SEMA5A: variants seen among roughly 807,000 people sequenced by gnomAD.
The protein encoded by SEMA5A is semaphorin 5A.
Under a neutral mutation model 135.5 loss-of-function variants are expected in SEMA5A, and 55 were observed. That is an observed-to-expected ratio of 0.41 (90% CI 0.33 to 0.51). The LOEUF (loss-of-function observed/expected upper bound fraction) is 0.51, where lower values mean the gene tolerates loss of function less well. SEMA5A is among the 20% of genes least tolerant of loss of function. The pLI, the probability that SEMA5A is intolerant of heterozygous loss-of-function variation, is 0.37. For missense variants in SEMA5A, 1,290 were observed against 1,419.9 expected (o/e 0.91, Z 1.47); for synonymous variants, 580 against 546.5 (o/e 1.06, Z -0.85).
chr5:9,175,219 C>G (rs183506525), intron 11 of SEMA5A, among the ~76,000 whole-genome samples: 22 of 152,048 alleles, frequency 1.4e-4, no homozygotes, highest in Non-Finnish European at 3.1e-4. Flanking sequence ...TACTCCCAAG[C>G]AGTGGATACT....
chr5:9,285,527 T>C (rs541891651), intron 5 of SEMA5A, among the ~76,000 whole-genome samples: 8 of 152,330 alleles, frequency 5.3e-5, no homozygotes, highest in African/African-American at 1.9e-4. Context: ...ACACAAACTA[T>C]ACTTGCCCCA....
At chr5:9,474,167 C>T (rs895569891) in intron 1 of SEMA5A, among the ~76,000 whole-genome samples, 2 of 152,110 alleles carry the variant, frequency 1.3e-5, no homozygotes, top group African/African-American at 4.8e-5. Flanking sequence ...GTGAAGAATT[C>T]CGTCCGTCAG....
At chr5:9,410,135 T>C (rs1489635589) in intron 2 of SEMA5A, among the ~76,000 whole-genome samples, 1 of 152,166 alleles carries the variant, frequency 6.6e-6, no homozygotes. Flanking sequence ...TTGTTTTTAT[T>C]AAATTAAAGA....
At chr5:9,163,569 A>T (rs1413973513) in intron 11 of SEMA5A, among the ~76,000 whole-genome samples, 3 of 152,196 alleles carry the variant, frequency 2.0e-5, no homozygotes. Context: ...TGTAAGGTAA[A>T]TATGCCTTAT....
At chr5:9,285,192 C>G (rs550388796) in intron 5 of SEMA5A, among the ~76,000 whole-genome samples, 2 of 152,300 alleles carry the variant, frequency 1.3e-5, no homozygotes, top group African/African-American at 4.8e-5. Context: ...TTCTACTCTA[C>G]AAATGATTTC....
intron 5 of SEMA5A, among the ~76,000 whole-genome samples, chr5:9,259,120 C>T (rs1342216369): frequency 1.3e-5 from 2 of 152,140 alleles, no homozygotes; most frequent in African/African-American, 4.8e-5. Flanking sequence ...CCAGGCCCGG[C>T]CCCATTATTT....
At chr5:9,247,346 C>CATT (rs1392734437) in intron 5 of SEMA5A, among the ~76,000 whole-genome samples, 1 of 152,096 alleles carries the variant, frequency 6.6e-6, no homozygotes, top group Non-Finnish European at 1.5e-5. Flanking sequence ...AACTGTCAGC[C>CATT]TAATAGCCAA....
intron 2 of SEMA5A, among the ~76,000 whole-genome samples, chr5:9,390,547 T>G (rs1756115337): frequency 6.6e-6 from 1 of 152,206 alleles, no homozygotes; most frequent in Non-Finnish European, 1.5e-5. Flanking sequence ...GCAGAAAGGC[T>G]TCTGATCTGA....
At chr5:9,305,687 A>G in intron 5 of SEMA5A, among the ~76,000 whole-genome samples, 1 of 110,922 alleles carries the variant, frequency 9.0e-6, no homozygotes, top group African/African-American at 3.5e-5. Flanking sequence ...AATATACAGT[A>G]TATATACTGT....
intron 5 of SEMA5A, among the ~76,000 whole-genome samples, chr5:9,256,061 C>T (rs957647126): frequency 6.6e-6 from 1 of 152,134 alleles, no homozygotes; most frequent in Non-Finnish European, 1.5e-5. Context: ...TTTCCAAATG[C>T]GTCCATTTCT....
At chr5:9,188,650 A>ACGGAGTTTATGACACCTAG (rs1744933431) in intron 11 of SEMA5A, among the ~76,000 whole-genome samples, 1 of 152,146 alleles carries the variant, frequency 6.6e-6, no homozygotes, top group Non-Finnish European at 1.5e-5. Flanking sequence ...CAGCCTGGAC[A>ACGGAGTTTATGACACCTAG]TTTATGGTGA....
chr5:9,180,971 A>T (rs1281792425), intron 11 of SEMA5A, among the ~76,000 whole-genome samples: 1 of 152,224 alleles, frequency 6.6e-6, no homozygotes, highest in Non-Finnish European at 1.5e-5. Flanking sequence ...GTAGCAAGCA[A>T]CCATAAAAAG....
chr5:9,086,145 C>G (rs964575992), intron 16 of SEMA5A, among the ~76,000 whole-genome samples: 2 of 152,168 alleles, frequency 1.3e-5, no homozygotes, highest in Non-Finnish European at 2.9e-5. Context: ...AAGGGACTTG[C>G]CTTGTCTCAG....
At chr5:9,512,227 G>A (rs536535115) in intron 1 of SEMA5A, among the ~76,000 whole-genome samples, 23 of 152,278 alleles carry the variant, frequency 1.5e-4, no homozygotes, top group South Asian at 4.1e-4. Flanking sequence ...ATAAAAAAGC[G>A]TGCTAAACAT....
chr5:9,388,610 C>T (rs1756002309), intron 2 of SEMA5A, among the ~76,000 whole-genome samples: 1 of 151,946 alleles, frequency 6.6e-6, no homozygotes, highest in African/African-American at 2.4e-5. Flanking sequence ...TAAAATATTC[C>T]AGTTATAGGC....
chr5:9,140,788 A>C (rs1430805180), intron 12 of SEMA5A, among the ~76,000 whole-genome samples: 6 of 152,212 alleles, frequency 3.9e-5, no homozygotes, highest in Non-Finnish European at 8.8e-5. Flanking sequence ...AAAGGCCTGC[A>C]TTCCTTTTCG....
intron 16 of SEMA5A, among the ~76,000 whole-genome samples, chr5:9,088,659 T>TATAC: frequency 3.5e-5 from 4 of 112,890 alleles, no homozygotes; most frequent in Admixed American, 1.7e-4. Flanking sequence ...TATATATATA[T>TATAC]ACACACACAC....
chr5:9,287,531 T>C lies in SEMA5A; in HGVS notation c.270+30841A>G, dbSNP rs144305630. On this transcript the variant is annotated intron_variant, in intron 5 of 22. Coordinates refer to ENST00000382496, the MANE Select transcript of SEMA5A (RefSeq NM_003966.3). The stretch of plus-strand genomic sequence containing the variant: ...TAATCTTATCCATTGCAAGAATTTA[T>C]AATTTATAAACCTTTAAAAATTATA... Among the ~76,000 whole-genome samples the C allele has an allele frequency of 4.6e-5, 7 of 152,330 alleles. 1 individual carries two copies. In the East Asian group the frequency reaches 1.3e-3, roughly 29 times the overall value.
chr5:9,226,749 T>C, intron 7 of SEMA5A, 120 bp downstream of exon 7: 1 of 636,240 alleles, frequency 1.6e-6, no homozygotes, highest in South Asian at 2.1e-5. Context: ...TGACAAAAAG[T>C]GCTTTAGAAT....
Sources: allele counts gnomAD v4.1 joint callset (sites outside exome capture counted in the v4.1 genomes callset), GRCh38; gene constraint gnomAD v4.1.1; transcripts MANE v1.5; gene names NCBI Gene and HGNC (gene_info 2026-07-23, HGNC 2026-07-21).